Variants in CYP2C8 observed in about 807,000 individuals in gnomAD.
CYP2C8 encodes the protein cytochrome P450 family 2 subfamily C member 8.
Under a neutral mutation model 41.3 loss-of-function variants are expected in CYP2C8, and 51 were observed. The observed-to-expected ratio is 1.24, with a 90% CI of 0.99 to 1.56. The LOEUF (loss-of-function observed/expected upper bound fraction) is 1.56. Among genes scored for constraint, CYP2C8 ranks in the 40% most tolerant of loss-of-function variants. CYP2C8 has a pLI of 0.00. For synonymous variants in CYP2C8, 218 were observed against 205.8 expected (o/e 1.06, Z -0.51); for missense variants, 651 against 579.9 (o/e 1.12, Z -1.26).
At chr10:95,065,837 A>G (rs1421499240) in intron 3 of CYP2C8, among the ~76,000 whole-genome samples, 1 of 152,200 alleles carries the variant, frequency 6.6e-6, no homozygotes, top group African/African-American at 2.4e-5. Context: ...AGAAATTATT[A>G]AAAAGGCTTT....
intron 4 of CYP2C8, among the ~76,000 whole-genome samples, chr10:95,059,747 G>T (rs2033385355): frequency 6.6e-6 from 1 of 152,092 alleles, no homozygotes; most frequent in Admixed American, 6.5e-5. Context: ...GTATTGCCTA[G>T]GTTTTCTTCT....
chr10:95,046,087 G>C, intron 5 of CYP2C8, 136 bp from the exon 6 acceptor site: 1 of 922,946 alleles, frequency 1.1e-6, no homozygotes, highest in East Asian at 2.7e-5. Context: ...AAAAGCAACT[G>C]TGTGGTATGG....
At chr10:95,064,352 C>T in intron 4 of CYP2C8, among the ~76,000 whole-genome samples, 1 of 152,216 alleles carries the variant, frequency 6.6e-6, no homozygotes, top group East Asian at 1.9e-4. Flanking sequence ...CCCAGCCTCG[C>T]TGCTGCCTTG....
At chr10:95,059,910 C>G (rs1039422858) in intron 4 of CYP2C8, among the ~76,000 whole-genome samples, 2 of 152,150 alleles carry the variant, frequency 1.3e-5, no homozygotes, top group Non-Finnish European at 2.9e-5. Flanking sequence ...AATCCTTTCC[C>G]CATTTCTTGT....
At chr10:95,047,408 G>T (rs1226983978) in intron 5 of CYP2C8, among the ~76,000 whole-genome samples, 2 of 152,080 alleles carry the variant, frequency 1.3e-5, no homozygotes, top group African/African-American at 2.4e-5. Context: ...ATTTTCTTCT[G>T]TCAAAAATTT....
intron 6 of CYP2C8, among the ~76,000 whole-genome samples, chr10:95,045,099 G>A (rs1323686550): frequency 1.3e-5 from 2 of 152,198 alleles, no homozygotes; most frequent in Admixed American, 6.5e-5. Context: ...GTTATCTGCT[G>A]CAAAGCAGGA....
intron 4 of CYP2C8, 62 bp from the exon 5 acceptor site, chr10:95,058,573 C>G (rs2033358162): frequency 5.0e-6 from 7 of 1,409,662 alleles, no homozygotes; most frequent in East Asian, 2.5e-5. Context: ...TTACACCAAG[C>G]CCTGATTGAA....
At chr10:95,047,723 C>T (rs999147467) in intron 5 of CYP2C8, among the ~76,000 whole-genome samples, 10 of 152,040 alleles carry the variant, frequency 6.6e-5, no homozygotes, top group Non-Finnish European at 1.3e-4. Context: ...AGGGACTAAT[C>T]GAATAAAGTT....
intron 5 of CYP2C8, among the ~76,000 whole-genome samples, chr10:95,055,948 C>G (rs1333696677): frequency 6.6e-6 from 1 of 151,938 alleles, no homozygotes; most frequent in East Asian, 1.9e-4. Flanking sequence ...CAAAAATTAG[C>G]TGGGTGTGGG....
chr10:95,067,661 C>T lies in CYP2C8; in HGVS notation c.199G>A (p.Val67Met), dbSNP rs376132046. The T allele has an allele frequency of 8.1e-5, 131 of 1,613,970 alleles. No individual in the cohort carries two copies. The highest frequency in any genetic ancestry group is 1.3e-4 in the African/African-American group (10 of 74,908). ...ACTATGGGATTCATGCCAAAATACA[C>T]GGTGAACACAGGACCATAGACTTTT... ...FSKVYGPVFT[V>M]YFGMNPIVVF... Residue 67 changes from valine to methionine, a missense_variant, in exon 2 of 9, where the codon GTG becomes ATG. Physicochemically the swap from Val to Met is conservative, Grantham distance 21. Coordinates refer to ENST00000371270, the MANE Select transcript of CYP2C8 (RefSeq NM_000770.3).
Position 95,052,687 on chromosome 10 carries a change from C to T in CYP2C8, c.819+5648G>A, listed in dbSNP as rs546101808. On this transcript the variant is annotated intron_variant, in intron 5 of 8. Coordinates refer to ENST00000371270, the MANE Select transcript of CYP2C8 (RefSeq NM_000770.3). The stretch of plus-strand genomic sequence containing the variant: ...TACATCATATCAACAGAATAAAGAA[C>T]GAAAGCATATGGTCACTTCAATTGA... Among the ~76,000 whole-genome samples, 15 of 152,026 alleles carry T rather than the reference C, an allele frequency of 9.9e-5. No homozygotes were observed. The South Asian group carries it at 1.2e-3, about 13-fold the overall frequency.
At chr10:95,039,082 G>T in intron 7 of CYP2C8, 44 bp from the exon 8 acceptor site, 1 of 1,553,984 alleles carries the variant, frequency 6.4e-7, no homozygotes. Flanking sequence ...AAGAAGTCCA[G>T]AAGTGAGGAG....
chr10:95,063,116 C>A (rs1234052654), intron 4 of CYP2C8, among the ~76,000 whole-genome samples: 1 of 152,078 alleles, frequency 6.6e-6, no homozygotes, highest in Admixed American at 6.5e-5. Context: ...AATTATGTGT[C>A]TTGGAGTTGC....
intron 1 of CYP2C8, 141 bp downstream of exon 1, chr10:95,069,094 C>T (rs1680368753): frequency 2.1e-6 from 2 of 964,470 alleles, no homozygotes; most frequent in Non-Finnish European, 3.2e-6. Context: ...ACAAAAGAAA[C>T]ATCAAAGAAG....
At chr10:95,059,915 TC>T in intron 4 of CYP2C8, among the ~76,000 whole-genome samples, 1 of 152,170 alleles carries the variant, frequency 6.6e-6, no homozygotes, top group Non-Finnish European at 1.5e-5. Context: ...TTTCCCCATT[TC>T]TTGTTTTTGT....
At chr10:95,038,345 A>G (rs2032925974) in intron 8 of CYP2C8, among the ~76,000 whole-genome samples, 1 of 152,184 alleles carries the variant, frequency 6.6e-6, no homozygotes, top group Non-Finnish European at 1.5e-5. Context: ...TGAGAGAGCA[A>G]GAAGCATGCA....
At chr10:95,047,065 G>A (rs1432094703) in intron 5 of CYP2C8, among the ~76,000 whole-genome samples, 5 of 152,098 alleles carry the variant, frequency 3.3e-5, no homozygotes, top group Admixed American at 3.3e-4. Context: ...TTTTAAAACT[G>A]TTTCCCCAAC....
intron 5 of CYP2C8, among the ~76,000 whole-genome samples, chr10:95,057,358 T>G (rs1438511066): frequency 6.6e-6 from 1 of 152,190 alleles, no homozygotes; most frequent in Non-Finnish European, 1.5e-5. Context: ...TATATGAATT[T>G]CATCTCAATA....
chr10:95,067,109 G>T (rs1046545122), intron 3 of CYP2C8, 99 bp downstream of exon 3: 3 of 1,522,664 alleles, frequency 2.0e-6, no homozygotes, highest in Non-Finnish European at 2.7e-6. Flanking sequence ...CAACCAGGAT[G>T]CGCAATGAAG....
Sources: allele counts gnomAD v4.1 joint callset (sites outside exome capture counted in the v4.1 genomes callset), GRCh38; gene constraint gnomAD v4.1.1; transcripts MANE v1.5; gene names NCBI Gene and HGNC (gene_info 2026-07-23, HGNC 2026-07-21).